CADPS: variants seen among roughly 807,000 people sequenced by gnomAD.
CADPS encodes calcium-dependent secretion activator 1.
In CADPS, 57 loss-of-function variants were observed where a neutral mutation model predicts 167.3. The observed-to-expected ratio is 0.34, with a 90% CI of 0.28 to 0.42. CADPS has a LOEUF of 0.42. Ranked by LOEUF, CADPS falls within the 20% of genes least tolerant of loss-of-function variation. CADPS has a pLI of 1.00. For synonymous variants in CADPS, 676 were observed against 635.3 expected (o/e 1.06, Z -0.96); for missense variants, 1,414 against 1,738.1 (o/e 0.81, Z 3.32).
chr3:62,789,732 C>A (rs1353866749), intron 1 of CADPS, among the ~76,000 whole-genome samples: 1 of 152,142 alleles, frequency 6.6e-6, no homozygotes, highest in East Asian at 1.9e-4. Context: ...TTCTTAGACA[C>A]AGTTTCAAAT....
In CADPS at chr3:62,516,133, G is replaced by A; in HGVS notation, c.2507C>T (p.Thr836Ile). The A allele has an allele frequency of 1.2e-6, 2 of 1,613,252 alleles. No homozygotes were observed. Among genetic ancestry groups the A allele is most frequent in the Non-Finnish European group, 1.7e-6 (2 of 1,179,398 alleles). Residue 836 changes from threonine to isoleucine, a missense_variant, in exon 16 of 30, where the codon ACA (threonine) becomes ATA (isoleucine). Thr to Ile is a moderately conservative substitution (Grantham distance 89). This residue lies in a region of CADPS where 529 missense variants were observed against 629.6 expected (regional missense o/e 0.84). Transcript: ENST00000383710. ...CTGTTCCAGACATTTACGGATAACT[G>A]TTTTTACCTCCTCTTGTGGCACTGG... Reference protein sequence around the residue: ...VTPVPQEEVKTVIRKCLEQAA... With the variant: ...VTPVPQEEVKIVIRKCLEQAA...
At chr3:62,850,834 A>C (rs1008241940) in intron 1 of CADPS, among the ~76,000 whole-genome samples, 1 of 150,540 alleles carries the variant, frequency 6.6e-6, no homozygotes, top group Non-Finnish European at 1.5e-5. Flanking sequence ...ATCCTTGTTG[A>C]CTTTCTGTCT....
intron 6 of CADPS, among the ~76,000 whole-genome samples, chr3:62,631,211 G>A (rs2065219697): frequency 6.6e-6 from 1 of 152,070 alleles, no homozygotes. Context: ...GGTAGGTAAT[G>A]AAGTTGGTAG....
chr3:62,644,371 T>C (rs1383642354), intron 6 of CADPS, among the ~76,000 whole-genome samples: 2 of 152,084 alleles, frequency 1.3e-5, no homozygotes, highest in Admixed American at 6.6e-5. Flanking sequence ...AAGGGAGCAA[T>C]GATCTCTCAA....
chr3:62,643,695 A>G (rs930600966), intron 6 of CADPS, among the ~76,000 whole-genome samples: 4 of 152,266 alleles, frequency 2.6e-5, no homozygotes, highest in African/African-American at 9.6e-5. Context: ...AATAGCTCAT[A>G]TGAAACAACA....
In CADPS at chr3:62,490,249, T is replaced by C. The variant is rs2063482981; in HGVS notation, c.3026+1090A>G. Reference sequence around the variant, plus strand: ...AACATCCCTCTACTTTGCTCCATACTGTTTGCTGCATCCCAAAGATGTAAA... The same window carrying C: ...AACATCCCTCTACTTTGCTCCATACCGTTTGCTGCATCCCAAAGATGTAAA... On this transcript the variant is annotated intron_variant, in intron 21 of 29. Coordinates refer to ENST00000383710, the MANE Select transcript of CADPS (RefSeq NM_003716.4). Among the ~76,000 whole-genome samples, 4 of 152,150 alleles carry C rather than the reference T, an allele frequency of 2.6e-5. No individual in the cohort carries two copies. The South Asian group carries it at 8.3e-4, about 32-fold the overall frequency.
intron 11 of CADPS, among the ~76,000 whole-genome samples, chr3:62,547,599 C>CCCG (rs1491241966): frequency 2.6e-5 from 3 of 113,240 alleles, no homozygotes; most frequent in African/African-American, 4.1e-5. Context: ...CCCCCCCCCC[C>CCCG]GCAAATTCTA....
intron 3 of CADPS, among the ~76,000 whole-genome samples, chr3:62,733,730 G>GT (rs1356331736): frequency 2.0e-5 from 3 of 152,044 alleles, no homozygotes; most frequent in East Asian, 1.9e-4. Context: ...GGAAAAGGTG[G>GT]TTTTTGGTTA....
At chr3:62,862,654 G>A (rs1053847087) in intron 1 of CADPS, among the ~76,000 whole-genome samples, 1 of 152,190 alleles carries the variant, frequency 6.6e-6, no homozygotes, top group Non-Finnish European at 1.5e-5. Context: ...TGTGAAATGT[G>A]ACATACATTT....
chr3:62,399,616 A>T lies in CADPS; in HGVS notation c.3883-31T>A. ...GAAGGAAAAGATACAGTGATAAGAG[A>T]GATCTCATCTCCATGATGGGGAGGG... On this transcript the variant is annotated intron_variant, in intron 29 of 29. Coordinates refer to ENST00000383710, the MANE Select transcript of CADPS (RefSeq NM_003716.4). The surrounding 1 kb of genome is among the most constrained non-coding windows in gnomAD (Gnocchi z 5.6). 1 of 1,582,122 alleles carries T rather than the reference A, an allele frequency of 6.3e-7. No individual in the cohort carries two copies. The highest frequency in any genetic ancestry group is 8.7e-7 in the Non-Finnish European group (1 of 1,152,372).
In CADPS at chr3:62,601,170, A is replaced by G. The variant is rs1445178166; in HGVS notation, c.1326-8422T>C. Among the ~76,000 whole-genome samples, 1 of 152,200 alleles carries G rather than the reference A, an allele frequency of 6.6e-6. No homozygotes were observed. The highest frequency in any genetic ancestry group is 6.5e-5 in the Admixed American group (1 of 15,284). On this transcript the variant is annotated intron_variant, in intron 6 of 29. Transcript: ENST00000383710. This position sits in a 1 kb window ranked among gnomAD's most constrained non-coding sequence, Gnocchi z 4.3. ...GCTCATAAGCTAATAAGGGCTTTGT[A>G]TTTTCAAATGGCTGAAAATAATCAA...
intron 13 of CADPS, among the ~76,000 whole-genome samples, chr3:62,531,502 C>T (rs1266086880): frequency 6.6e-6 from 1 of 152,130 alleles, no homozygotes; most frequent in Non-Finnish European, 1.5e-5. Flanking sequence ...CGTAAAAATA[C>T]ATCAGTGCTA....
At chr3:62,533,196 C>A in intron 12 of CADPS, 138 bp from the exon 13 acceptor site, 2 of 670,510 alleles carry the variant, frequency 3.0e-6, no homozygotes, top group South Asian at 1.9e-5. Context: ...TATGTGCCAG[C>A]CACTGTGCAC....
intron 3 of CADPS, among the ~76,000 whole-genome samples, chr3:62,695,945 G>C (rs541524555): frequency 6.6e-6 from 1 of 152,006 alleles, no homozygotes; most frequent in Non-Finnish European, 1.5e-5. Context: ...TAGGGGGTTG[G>C]GTCTTTATTC....
intron 3 of CADPS, among the ~76,000 whole-genome samples, chr3:62,680,295 C>T (rs1374796131): frequency 6.6e-6 from 1 of 152,022 alleles, no homozygotes; most frequent in Non-Finnish European, 1.5e-5. Flanking sequence ...GGGATAAGCA[C>T]AGCGTCTTCC....
chr3:62,776,010 C>T (rs1350960626), intron 1 of CADPS, among the ~76,000 whole-genome samples: 1 of 152,166 alleles, frequency 6.6e-6, no homozygotes, highest in African/African-American at 2.4e-5. Flanking sequence ...CTCATCATTG[C>T]TTTTGCATCA....
At chr3:62,627,989 A>G (rs949457916) in intron 6 of CADPS, among the ~76,000 whole-genome samples, 2 of 152,190 alleles carry the variant, frequency 1.3e-5, no homozygotes, top group Non-Finnish European at 2.9e-5. Flanking sequence ...AGGAAATTTT[A>G]GCAGGTGAAA....
rs1347372556 is a variant in CADPS at position 62,650,981 on chromosome 3, T to C, written c.1069A>G (p.Met357Val). ...AACTCCCCGCCTTTGGATACCGGCA[T>C]GCTCTCCAAGTTGGCCATGAGCAGG... ...VNLLMANLESMPVSKGGEFKL... is the reference protein window; with the variant it reads ...VNLLMANLESVPVSKGGEFKL... The change falls in exon 5 of 30, where the codon ATG (methionine) becomes GTG (valine). Residue 357 changes from methionine to valine, a missense_variant. Met to Val is a conservative substitution (Grantham distance 21, BLOSUM62 1). Transcript: ENST00000383710. 1 of 1,614,014 alleles carries C rather than the reference T, an allele frequency of 6.2e-7. No homozygotes were observed. The highest frequency in any genetic ancestry group is 2.2e-5 in the East Asian group (1 of 44,886).
Position 62,549,934 on chromosome 3 carries a change from T to C in CADPS, c.1935A>G (p.Val645=), listed in dbSNP as rs749010204. The change falls in exon 11 of 30, where the codon GTA becomes GTG. Residue 645 remains valine, a synonymous_variant. Coordinates refer to ENST00000383710, the MANE Select transcript of CADPS (RefSeq NM_003716.4). ...VQKLNAKGGN[V]PQLDAPISQF... ...GAGAGATAGGGGCATCCAGCTGAGG[T>C]ACATTTCCTCCCTTGGCGTTGAGTT... 1 of 1,614,066 alleles carries C rather than the reference T, an allele frequency of 6.2e-7. No individual in the cohort carries two copies. The highest frequency in any genetic ancestry group is 1.1e-5 in the South Asian group (1 of 91,072).
Sources: allele counts gnomAD v4.1 joint callset (sites outside exome capture counted in the v4.1 genomes callset), GRCh38; gene constraint gnomAD v4.1.1; regional missense constraint gnomAD v4.1.1; non-coding constraint Gnocchi (gnomAD v3.1); transcripts MANE v1.5; gene names NCBI Gene and HGNC (gene_info 2026-07-23, HGNC 2026-07-21).